TBC1D2: variants seen among roughly 807,000 people sequenced by gnomAD.
TBC1D2 encodes the protein TBC1 domain family member 2.
Under a neutral mutation model 91.1 loss-of-function variants are expected in TBC1D2, and 58 were observed. The observed-to-expected ratio is 0.64, with a 90% CI of 0.52 to 0.79. The LOEUF is 0.79. Ranked by LOEUF, TBC1D2 falls within the 30% of genes least tolerant of loss-of-function variation. TBC1D2 has a pLI of 0.00. For synonymous variants in TBC1D2, 482 were observed against 511.5 expected, an observed-to-expected ratio of 0.94 and a Z score of 0.78; for missense variants, 1,080 against 1,208.3, an observed-to-expected ratio of 0.89 and a Z score of 1.57.
chr9:98,225,737 G>A (rs1399630241), intron 5 of TBC1D2, among the ~76,000 whole-genome samples: 1 of 152,198 alleles, frequency 6.6e-6, no homozygotes, highest in Non-Finnish European at 1.5e-5. Context: ...CTGGGGCCGC[G>A]CTTCATACCA....
In TBC1D2 at chr9:98,210,760, G is replaced by A. The variant is rs148036923; in HGVS notation, c.1569C>T (p.Asp523=). The change falls in exon 8 of 13, where the codon GAC becomes GAT. Residue 523 remains aspartate (D), a synonymous_variant. Transcript: ENST00000465784. ...GCAGCTCTGAGCACTCGCTGGCTTC[G>A]TCCCCCAGGGCCTCCTGCAGCCTTC... ...GLRRLQEALG[D]EASECSELLR... is the part of the protein sequence containing the mutation. 35 of 1,566,758 alleles carry A rather than the reference G, an allele frequency of 2.2e-5. No individual in the cohort carries two copies. The East Asian group carries it at 2.4e-4, about 11-fold the overall frequency.
At chr9:98,219,864 C>G (rs891464933) in intron 6 of TBC1D2, among the ~76,000 whole-genome samples, 3 of 152,136 alleles carry the variant, frequency 2.0e-5, no homozygotes, top group Admixed American at 1.3e-4. Context: ...TGGGGCAGGA[C>G]GAACTCTGGT....
At chr9:98,207,634 G>C (rs758520621) in intron 9 of TBC1D2, among the ~76,000 whole-genome samples, 1 of 152,214 alleles carries the variant, frequency 6.6e-6, no homozygotes, top group African/African-American at 2.4e-5. Flanking sequence ...TCACTGAAAG[G>C]CTCAAGACTC....
intron 3 of TBC1D2, among the ~76,000 whole-genome samples, chr9:98,233,831 G>T (rs893570625): frequency 5.3e-5 from 8 of 152,186 alleles, no homozygotes; most frequent in African/African-American, 1.9e-4. Flanking sequence ...GAATATAAAT[G>T]CCATGAGGCG....
At chr9:98,213,546 C>A in intron 6 of TBC1D2, 1 of 450,942 alleles carries the variant, frequency 2.2e-6, no homozygotes, top group Non-Finnish European at 3.3e-6. Flanking sequence ...ACCTACTGGG[C>A]AGTTGGGAAA....
At chr9:98,245,668 T>C (rs544863029) in intron 2 of TBC1D2, among the ~76,000 whole-genome samples, 1 of 152,334 alleles carries the variant, frequency 6.6e-6, no homozygotes, top group East Asian at 1.9e-4. Flanking sequence ...AGCTGCGTGA[T>C]GGGATTTGCA....
At chr9:98,252,745 G>C (rs1829897867) in intron 1 of TBC1D2, among the ~76,000 whole-genome samples, 1 of 152,144 alleles carries the variant, frequency 6.6e-6, no homozygotes. Context: ...CATAAAGAAG[G>C]CCTGAGATCA....
intron 10 of TBC1D2, 32 bp downstream of exon 10, chr9:98,203,256 T>C: frequency 6.2e-7 from 1 of 1,613,252 alleles, no homozygotes. Context: ...CTGCCCTACA[T>C]GGCTGCAAAG....
At chr9:98,218,279 A>C (rs1829016309) in intron 6 of TBC1D2, among the ~76,000 whole-genome samples, 1 of 152,070 alleles carries the variant, frequency 6.6e-6, no homozygotes, top group Non-Finnish European at 1.5e-5. Context: ...GATAAAGAAA[A>C]TTCATGGCCA....
At chr9:98,221,599 T>A (rs541621111) in intron 5 of TBC1D2, among the ~76,000 whole-genome samples, 1 of 151,800 alleles carries the variant, frequency 6.6e-6, no homozygotes, top group Non-Finnish European at 1.5e-5. Context: ...GGAACTAGAG[T>A]GGCCGCCTCA....
intron 1 of TBC1D2, among the ~76,000 whole-genome samples, chr9:98,253,631 C>T (rs1394264703): frequency 6.6e-6 from 1 of 152,136 alleles, no homozygotes; most frequent in Non-Finnish European, 1.5e-5. Context: ...GCTCACGGTG[C>T]TCTCTTGGCC....
rs775055670 is a variant in TBC1D2, at chr9:98,210,723, C to T, written c.1606G>A (p.Val536Ile). The change falls in exon 8 of 13, where the codon GTC becomes ATC. Residue 536 changes from valine to isoleucine, a missense_variant. Val to Ile is a conservative substitution (Grantham distance 29). Transcript: ENST00000465784. Reference protein sequence around the residue: ...SECSELLRQLVQEALQWEAGE... With the variant: ...SECSELLRQLIQEALQWEAGE... ...GCTTCCCACTGCAGTGCCTCCTGGA[C>T]AAGCTGCCTCAGCAGCTCTGAGCAC... The T allele has an allele frequency of 2.5e-6, 4 of 1,596,230 alleles. No homozygotes were observed. Among genetic ancestry groups the T allele is most frequent in the Non-Finnish European group, 1.7e-6 (2 of 1,171,304 alleles).
Position 98,244,162 on chromosome 9 carries a change from G to A in TBC1D2, c.512-33C>T, listed in dbSNP as rs768976429. On this transcript the variant is annotated intron_variant, in intron 2 of 12. Coordinates refer to ENST00000465784, the MANE Select transcript of TBC1D2 (RefSeq NM_001267571.2). ...CAAAGAAAAGGGAAATCCATCAGCT[G>A]GGTCACTGCACTTGGAAAGACAGGT... 31 of 1,609,074 alleles carry A rather than the reference G, an allele frequency of 1.9e-5. No individual in the cohort carries two copies. In the East Asian group the frequency reaches 4.9e-4, roughly 25 times the overall value.
chr9:98,211,436 G>A (rs1828836341), intron 7 of TBC1D2, among the ~76,000 whole-genome samples: 1 of 151,998 alleles, frequency 6.6e-6, no homozygotes, highest in South Asian at 2.1e-4. Context: ...CTCTTCCCTT[G>A]CTTGGGACAC....
At chr9:98,226,547 G>A (rs1449050452) in intron 5 of TBC1D2, among the ~76,000 whole-genome samples, 1 of 152,198 alleles carries the variant, frequency 6.6e-6, no homozygotes, top group East Asian at 1.9e-4. Flanking sequence ...AACTTGCTTA[G>A]GGCCAGAATT....
chr9:98,213,565 GATA>G (rs745375514), intron 6 of TBC1D2: 22 of 301,820 alleles, frequency 7.3e-5, no homozygotes, highest in Non-Finnish European at 1.2e-4. Context: ...AACTAAGTGA[GATA>G]ATGTGTGACA....
At chr9:98,229,338 CTGACACAGCT>C in intron 4 of TBC1D2, 190 bp from the exon 5 acceptor site, 1 of 577,362 alleles carries the variant, frequency 1.7e-6, no homozygotes, top group East Asian at 2.9e-5. Flanking sequence ...CTAGGTGATG[CTGACACAGCT>C]TGTCCAGGGG....
chr9:98,209,072 G>C lies in TBC1D2; in HGVS notation c.1746C>G (p.Ile582Met), dbSNP rs781155860. The C allele has an allele frequency of 6.2e-7, 1 of 1,614,222 alleles. No homozygotes were observed. The highest frequency in any genetic ancestry group is 1.3e-5 in the African/African-American group (1 of 75,044). ...EVEDLKLLAK[I>M]QALESRSHHL... ...GGTGGGATCGTGACTCCAATGCCTG[G>C]ATCTTGGCCAGCAGCTTCAGGTCTT... Residue 582 changes from isoleucine to methionine, a missense_variant, in exon 9 of 13, where the codon ATC becomes ATG. Transcript: ENST00000465784.
chr9:98,208,866 C>T lies in TBC1D2; in HGVS notation c.1952G>A (p.Cys651Tyr). The change falls in exon 9 of 13, where the codon TGC becomes TAC. Residue 651 changes from cysteine (C) to tyrosine (Y), a missense_variant. Physicochemically the swap from Cys to Tyr is radical, Grantham distance 194. Transcript: ENST00000465784. ...GCCCCGGCTCAGCAGTTCCTGGTAG[C>T]AGCCTGGAGTGTGCAGGTGCTGGAC... Reference protein sequence around the residue: ...LRVQHLHTPGCYQELLSRGQA... With the variant: ...LRVQHLHTPGYYQELLSRGQA... The T allele has an allele frequency of 2.5e-6, 4 of 1,613,560 alleles. No individual in the cohort carries two copies. Among genetic ancestry groups the T allele is most frequent in the Non-Finnish European group, 3.4e-6 (4 of 1,179,556 alleles).
Sources: gnomAD v4.1 joint callset for allele counts (sites outside exome capture counted in the v4.1 genomes callset) on GRCh38, gnomAD v4.1.1 for gene constraint, MANE v1.5 for transcripts, NCBI Gene and HGNC (gene_info 2026-07-23, HGNC 2026-07-21) for gene names.